The following TSPAN11 variants were observed in gnomAD, a reference collection of about 807,000 sequenced individuals.
TSPAN11 encodes the protein tetraspanin-11.
Under a neutral mutation model 32.9 loss-of-function variants are expected in TSPAN11, and 29 were observed. The observed-to-expected ratio is 0.88, with a 90% CI of 0.66 to 1.20. TSPAN11 has a LOEUF of 1.20. Among genes scored for constraint, TSPAN11 ranks in the 50% most tolerant of loss-of-function variants. The pLI is 0.00. For synonymous variants in TSPAN11, 140 were observed against 141.3 expected (o/e 0.99, Z 0.07); for missense variants, 283 against 329.1 (o/e 0.86, Z 1.08).
At chr12:30,957,225 G>A (rs1051856869) in intron 2 of TSPAN11, among the ~76,000 whole-genome samples, 79 of 100,548 alleles carry the variant, frequency 7.9e-4, no homozygotes, top group African/African-American at 3.0e-3. Context: ...TGAATGGCCT[G>A]GGACCCCCCC....
In TSPAN11 at chr12:30,978,599, G is replaced by C. The variant is rs146830805; in HGVS notation, c.315G>C (p.Leu105=). 1.9e-6 allele frequency: 3 copies of C among 1,614,228 alleles called. No homozygotes were observed. The highest frequency in any genetic ancestry group is 2.5e-6 in the Non-Finnish European group (3 of 1,180,040). The change falls in exon 4 of 8, where the codon CTG becomes CTC. Residue 105 remains leucine (L), a synonymous_variant. Transcript: ENST00000546076. ...TGCTCGTCATCTTCCTGGTTGAGCT[G>C]GTGGCGGGAGTCCTGGCCCATGTGT... is the stretch of plus-strand genomic sequence containing the variant. ...CLLLVIFLVE[L]VAGVLAHVYY... is the part of the protein sequence containing the mutation.
Position 30,929,834 on chromosome 12 carries a change from G to A in TSPAN11, c.-12+3038G>A, listed in dbSNP as rs1313862376. Among the ~76,000 whole-genome samples, 3 of 152,340 alleles carry A rather than the reference G, an allele frequency of 2.0e-5. No homozygotes were observed. In the South Asian group the frequency reaches 6.2e-4, roughly 32 times the overall value. ...TCCACGTAAAATAGTCTCTTGTGCTGCCTTTTCCTAGAAATATACTTGGAA... is the reference window on the plus strand; with the variant it reads ...TCCACGTAAAATAGTCTCTTGTGCTACCTTTTCCTAGAAATATACTTGGAA... On this transcript the variant is annotated intron_variant, in intron 1 of 7. Coordinates refer to ENST00000546076, the MANE Select transcript of TSPAN11 (RefSeq NM_001370302.1).
the TSPAN11 span, among the ~76,000 whole-genome samples, chr12:31,003,294 G>C: frequency 6.6e-6 from 1 of 152,224 alleles, no homozygotes. Context: ...CTGCAGGACA[G>C]GCAAGGGGCT....
intron 1 of TSPAN11, among the ~76,000 whole-genome samples, chr12:30,946,880 C>G (rs1305529511): frequency 6.6e-6 from 1 of 152,164 alleles, no homozygotes; most frequent in African/African-American, 2.4e-5. Flanking sequence ...TGTTGATTAC[C>G]ACCCCCAGGT....
rs1395857454 is a variant in TSPAN11 at position 30,994,781 on chromosome 12, AC to A, written c.*2870del. 6.6e-6 allele frequency: 1 copy of A among 152,086 alleles called. No homozygotes were observed. Among genetic ancestry groups the A allele is most frequent in the Non-Finnish European group, 1.5e-5 (1 of 68,028 alleles). 9.4% of individuals were successfully genotyped at this position (152,086 alleles called of 1,614,324 possible). On this transcript the variant is annotated 3_prime_UTR_variant, in exon 8 of 8. Coordinates refer to ENST00000546076, the MANE Select transcript of TSPAN11 (RefSeq NM_001370302.1). Reference sequence around the variant, plus strand: ...CACCATAAATACTTATCTCGCAGTTACCCCAGCAAGAGGGTGTTATTTCCCC... The same window carrying A: ...CACCATAAATACTTATCTCGCAGTTACCCAGCAAGAGGGTGTTATTTCCCC...
At chr12:30,945,506 A>G (rs543986089) in intron 1 of TSPAN11, among the ~76,000 whole-genome samples, 2 of 152,224 alleles carry the variant, frequency 1.3e-5, no homozygotes, top group African/African-American at 2.4e-5. Context: ...ACCCATCACC[A>G]TTAAAGGACT....
chr12:30,935,545 G>C (rs751497988), intron 1 of TSPAN11, among the ~76,000 whole-genome samples: 3 of 151,858 alleles, frequency 2.0e-5, no homozygotes, highest in Non-Finnish European at 4.4e-5. Flanking sequence ...CAACATGCCC[G>C]GCTAGTTTTT....
At chr12:30,989,713 C>A (rs1939272689) in intron 7 of TSPAN11, among the ~76,000 whole-genome samples, 1 of 152,224 alleles carries the variant, frequency 6.6e-6, no homozygotes. Context: ...AGACTGGGAT[C>A]TGCAGGTCAT....
Position 30,937,297 on chromosome 12 carries a change from C to CTT in TSPAN11, c.-12+10502_-12+10503dup, listed in dbSNP as rs368956323. On this transcript the variant is annotated intron_variant, in intron 1 of 7. Transcript: ENST00000546076. ...GGAAACAGGATCTAGGAAAATGTGA[C>CTT]TTGAGAAACAGTATGCATGGTCATT... is the stretch of plus-strand genomic sequence containing the variant. Among the ~76,000 whole-genome samples the CTT allele has an allele frequency of 5.6e-3, 847 of 152,230 alleles. 1 individual carries two copies. The highest frequency in any genetic ancestry group is 0.02 in the African/African-American group (810 of 41,532).
At chr12:30,953,950 C>G (rs1411561773) in intron 1 of TSPAN11, 31 bp from the exon 2 acceptor site, 1 of 1,548,978 alleles carries the variant, frequency 6.5e-7, no homozygotes, top group Admixed American at 1.7e-5. Context: ...CTCGGTGATT[C>G]CCCGGCCCAG....
intron 5 of TSPAN11, among the ~76,000 whole-genome samples, chr12:30,979,927 C>T (rs941817152): frequency 2.6e-5 from 4 of 152,216 alleles, no homozygotes; most frequent in African/African-American, 9.6e-5. Context: ...GGCCCCACCC[C>T]TGCTGCCTTC....
At chr12:31,003,447 G>A in the TSPAN11 span, among the ~76,000 whole-genome samples, 4 of 152,334 alleles carry the variant, frequency 2.6e-5, no homozygotes, top group East Asian at 3.9e-4. Flanking sequence ...ATGAGCTGGG[G>A]GGTGGCTGGG....
rs1938956752 is a variant in TSPAN11, at chr12:30,975,738, C to A, written c.277-2823C>A. Among the ~76,000 whole-genome samples, 1 of 151,814 alleles carries A rather than the reference C, an allele frequency of 6.6e-6. No homozygotes were observed. ...CTGCCAGCTATCCAGGAGTATCCTA[C>A]GGGCCTGACTCACAGCTCACAGTGG... On this transcript the variant is annotated intron_variant, in intron 3 of 7. Coordinates refer to ENST00000546076, the MANE Select transcript of TSPAN11 (RefSeq NM_001370302.1). The surrounding 1 kb of genome is among the most constrained non-coding windows in gnomAD (Gnocchi z 4.5).
At chr12:31,010,972 G>C in the TSPAN11 span, among the ~76,000 whole-genome samples, 1 of 152,276 alleles carries the variant, frequency 6.6e-6, no homozygotes, top group East Asian at 1.9e-4. Context: ...GAGCTGGCAA[G>C]AGGAGCTAAG....
chr12:30,958,295 A>G (rs1938540769), intron 2 of TSPAN11, among the ~76,000 whole-genome samples: 3 of 152,218 alleles, frequency 2.0e-5, no homozygotes, highest in Non-Finnish European at 1.5e-5. Flanking sequence ...AGGATGCCTC[A>G]AAGTGGGAAA....
chr12:30,978,924 G>T (rs569140806), intron 4 of TSPAN11: 9 of 444,560 alleles, frequency 2.0e-5, no homozygotes, highest in Middle Eastern at 6.0e-4. Context: ...TCTAGAGGAT[G>T]AATCCATCTG....
chr12:30,978,982 C>A (rs1175369254), intron 4 of TSPAN11: 4 of 317,018 alleles, frequency 1.3e-5, no homozygotes, highest in Admixed American at 8.7e-5. Context: ...ACATGCCAGA[C>A]CCCGAAACAG....
chr12:30,957,596 C>T (rs146241043), intron 2 of TSPAN11, among the ~76,000 whole-genome samples: 440 of 151,948 alleles, frequency 2.9e-3, no homozygotes, highest in African/African-American at 0.01. Flanking sequence ...TTGGTTTCTC[C>T]ATCCAGAATA....
At chr12:30,961,902 T>C (rs1041659944) in intron 2 of TSPAN11, among the ~76,000 whole-genome samples, 1 of 152,012 alleles carries the variant, frequency 6.6e-6, no homozygotes, top group Admixed American at 6.5e-5. Flanking sequence ...CATTACACAA[T>C]TTTATTGACC....
Sources: allele counts gnomAD v4.1 joint callset (sites outside exome capture counted in the v4.1 genomes callset), GRCh38; gene constraint gnomAD v4.1.1; non-coding constraint Gnocchi (gnomAD v3.1); transcripts MANE v1.5; gene names NCBI Gene and HGNC (gene_info 2026-07-23, HGNC 2026-07-21).